The following ZNF841 variants were observed in gnomAD, a reference collection of about 807,000 sequenced individuals.
ZNF841 encodes TCONS_00006091.
Under a neutral mutation model 13.0 loss-of-function variants are expected in ZNF841, and 11 were observed. That is an observed-to-expected ratio of 0.85 (90% CI 0.53 to 1.40). The LOEUF (loss-of-function observed/expected upper bound fraction) is 1.40. Ranked by LOEUF, ZNF841 falls within the 40% of genes most tolerant of loss-of-function variation. The pLI, the probability that ZNF841 is intolerant of heterozygous loss-of-function variation, is 0.00. For missense variants in ZNF841, 1,068 were observed against 1,139.5 expected, an observed-to-expected ratio of 0.94 and a Z score of 0.90; for synonymous variants, 369 against 381.6, an observed-to-expected ratio of 0.97 and a Z score of 0.38.
At chr19:52,093,547 GGTGA>G in intron 2 of ZNF841, among the ~76,000 whole-genome samples, 1 of 152,216 alleles carries the variant, frequency 6.6e-6, no homozygotes, top group African/African-American at 2.4e-5. Flanking sequence ...TGTACACCAT[GGTGA>G]CTATACTATA....
rs1387226504 is a variant in ZNF841 at position 52,075,987 on chromosome 19, A to G, written c.271+57T>C. On this transcript the variant is annotated intron_variant, in intron 6 of 6. Transcript: ENST00000594440. Reference sequence around the variant, plus strand: ...CCCCACAGAACTCTCCCACTTGCAGAGTCTTACGCACACAATTTCATGGTA... The same window carrying G: ...CCCCACAGAACTCTCCCACTTGCAGGGTCTTACGCACACAATTTCATGGTA... 17 of 1,524,616 alleles carry G rather than the reference A, an allele frequency of 1.1e-5. No homozygotes were observed. In the South Asian group the frequency reaches 1.6e-4, roughly 14 times the overall value. The allele number at this position is 1,524,616 out of a possible 1,614,324, so 94.4% of individuals were successfully genotyped here. A position where few individuals can be genotyped will look rare whatever the true frequency, so the allele number is the denominator to read the frequency against.
chr19:52,065,802 A>C lies in ZNF841; in HGVS notation c.2080T>G (p.Ser694Ala). 2 of 1,612,126 alleles carry C rather than the reference A, an allele frequency of 1.2e-6. No homozygotes were observed. The highest frequency in any genetic ancestry group is 1.7e-6 in the Non-Finnish European group (2 of 1,178,926). Residue 694 changes from serine to alanine, a missense_variant, in exon 7 of 7, where the codon TCA becomes GCA. By Grantham distance (99) the Ser-to-Ala change is moderately conservative. Coordinates refer to ENST00000594440, the MANE Select transcript of ZNF841 (RefSeq NM_001136499.2). The stretch of plus-strand genomic sequence containing the variant: ...TTTCTGTGATATCTTGCAAGTTTTG[A>C]ACTTTGGATAAAAGCCTCACCAAAT... ...NEFGEAFIQS[S>A]KLARYHRNPT...
chr19:52,067,734 G>T, intron 6 of ZNF841, 124 bp from the exon 7 acceptor site: 1 of 599,274 alleles, frequency 1.7e-6, no homozygotes, highest in Non-Finnish European at 2.5e-6. Flanking sequence ...TTTCTACCAT[G>T]ATCTTCTATT....
chr19:52,094,647 T>C (rs950954450), intron 1 of ZNF841, among the ~76,000 whole-genome samples: 17 of 151,998 alleles, frequency 1.1e-4, no homozygotes, highest in Middle Eastern at 3.4e-3. Context: ...ACCCCCAATT[T>C]CCTAGGCTTA....
chr19:52,093,511 A>C (rs1451689619), intron 2 of ZNF841, among the ~76,000 whole-genome samples: 1 of 152,200 alleles, frequency 6.6e-6, no homozygotes, highest in African/African-American at 2.4e-5. Flanking sequence ...TTCTGTTATA[A>C]AATGAAGAAG....
At chr19:52,085,810 T>A (rs2088254669) in intron 3 of ZNF841, among the ~76,000 whole-genome samples, 1 of 152,134 alleles carries the variant, frequency 6.6e-6, no homozygotes, top group Admixed American at 6.6e-5. Flanking sequence ...TAGGTAGAGA[T>A]GAGGTATTCA....
At chr19:52,063,678 C>G (rs1302618604), downstream of ZNF841, 2 of 152,160 alleles carry the variant, frequency 1.3e-5, no homozygotes, top group Non-Finnish European at 2.9e-5. Context: ...TTACCACATT[C>G]GTTACATTTG....
chr19:52,079,988 T>C (rs1183422770), intron 4 of ZNF841, among the ~76,000 whole-genome samples: 2 of 120,616 alleles, frequency 1.7e-5, no homozygotes, highest in Admixed American at 9.7e-5. Context: ...CGAAACTCCA[T>C]CTCAGGGAAA....
At position 52,067,611 on chromosome 19, in the gene ZNF841, C is replaced by G. The variant is rs776564823; in HGVS notation, c.272-1G>C. ...TTGATCACACATTTAGGAGAGATAC[C>G]TGCAAAATATAATGAACATGGGGTT... On this transcript the variant is annotated splice_acceptor_variant, in intron 6 of 6. Coordinates refer to ENST00000594440, the MANE Select transcript of ZNF841 (RefSeq NM_001136499.2). LOFTEE classifies it high-confidence loss of function. The G allele has an allele frequency of 6.7e-7, 1 of 1,487,146 alleles. No homozygotes were observed. The highest frequency in any genetic ancestry group is 8.9e-7 in the Non-Finnish European group (1 of 1,120,678). The allele number at this position is 1,487,146 out of a possible 1,614,324, so 92.1% of individuals were successfully genotyped here.
Position 52,066,021 on chromosome 19 carries a change from C to T in ZNF841, c.1861G>A (p.Gly621Arg), listed in dbSNP as rs373036711. 7.4e-5 allele frequency: 120 copies of T among 1,613,918 alleles called. No homozygotes were observed. Among genetic ancestry groups the T allele is most frequent in the African/African-American group, 1.3e-4 (10 of 74,916 alleles). Residue 621 changes from glycine (G) to arginine (R), a missense_variant, in exon 7 of 7, where the codon GGA (glycine) becomes AGA (arginine). Physicochemically the swap from Gly to Arg is moderately radical, Grantham distance 125 (BLOSUM62 -2). Transcript: ENST00000594440. ...TCGTTACACTGGAAAGGTTTCTCTC[C>T]GGTATGACTTCGCCTATGAATTGAA... The part of the protein sequence containing the change: ...NLSIHRRSHT[G>R]EKPFQCNECG...
At chr19:52,086,915 A>G (rs1465444806) in intron 3 of ZNF841, among the ~76,000 whole-genome samples, 2 of 152,264 alleles carry the variant, frequency 1.3e-5, no homozygotes, top group Non-Finnish European at 2.9e-5. Context: ...ACACAATTGG[A>G]GGCAACAAGT....
In ZNF841 at chr19:52,066,750, A is replaced by G. The variant is rs1360647969; in HGVS notation, c.1132T>C (p.Cys378Arg). 3.1e-6 allele frequency: 5 copies of G among 1,612,496 alleles called. No homozygotes were observed. The highest frequency in any genetic ancestry group is 1.3e-5 in the African/African-American group (1 of 74,894). The stretch of plus-strand genomic sequence containing the variant: ...GAACTTTGACTAAAGCACTTCCCAC[A>G]TCGATTACATTTGTAAGGTTTCTCT... ...TGEKPYKCNR[C>R]GKCFSQSSSL... Residue 378 changes from cysteine (C) to arginine (R), a missense_variant, in exon 7 of 7, where the codon TGT becomes CGT. Transcript: ENST00000594440.
chr19:52,064,352 C>CAAAAAAAAAAAAAAA (rs1568532352), downstream of ZNF841: 18 of 48,968 alleles, frequency 3.7e-4, 3 homozygotes, highest in East Asian at 6.0e-4. Flanking sequence ...GACTCCGTCT[C>CAAAAAAAAAAAAAAA]CAAAAAAAAA....
At chr19:52,089,201 A>G (rs1439608586) in intron 2 of ZNF841, among the ~76,000 whole-genome samples, 199 bp from the exon 3 acceptor site, 1 of 152,244 alleles carries the variant, frequency 6.6e-6, no homozygotes, top group Non-Finnish European at 1.5e-5. Context: ...TGACAACTTT[A>G]GGAAGGTAAA....
At chr19:52,063,704 G>A (rs1036511452), downstream of ZNF841, 3 of 152,204 alleles carry the variant, frequency 2.0e-5, no homozygotes, top group African/African-American at 7.2e-5. Context: ...CTGTTCTCCA[G>A]TATGAATACT....
intron 3 of ZNF841, 122 bp downstream of exon 3, chr19:52,088,815 G>A (rs545603115): frequency 4.6e-5 from 7 of 152,250 alleles, no homozygotes; most frequent in East Asian, 3.9e-4. Flanking sequence ...GGTGCAATAC[G>A]ATAAACTCTG....
chr19:52,065,148 T>C lies in ZNF841; in HGVS notation c.2734A>G (p.Arg912Gly). Residue 912 changes from arginine (R) to glycine (G), a missense_variant, in exon 7 of 7, where the codon AGG (arginine) becomes GGG (glycine). Arg to Gly is a moderately radical substitution (Grantham distance 125, BLOSUM62 -2). Coordinates refer to ENST00000594440, the MANE Select transcript of ZNF841 (RefSeq NM_001136499.2). Reference sequence around the variant, plus strand: ...GAGGTTAGGACAACATCTAACGGCCTTTCCACATTGAGTTTAGTTGTAAGG... The same window carrying C: ...GAGGTTAGGACAACATCTAACGGCCCTTCCACATTGAGTTTAGTTGTAAGG... ...ENLTTKLNVERPLDVVLTSGI... is the reference protein window; with the variant it reads ...ENLTTKLNVEGPLDVVLTSGI... 1 of 1,566,336 alleles carries C rather than the reference T, an allele frequency of 6.4e-7. No homozygotes were observed. The highest frequency in any genetic ancestry group is 1.2e-5 in the South Asian group (1 of 82,414).
Position 52,090,707 on chromosome 19 carries a change from G to GAA in ZNF841, c.-143-1706_-143-1705insTT, listed in dbSNP as rs1555782712. Among the ~76,000 whole-genome samples the GAA allele has an allele frequency of 4.5e-3, 525 of 117,354 alleles. 10 individuals carry two copies. The highest frequency in any genetic ancestry group is 0.038 in the Admixed American group (455 of 11,914). The allele number at this position is 117,354 out of a possible 152,430, so 77.0% of individuals were successfully genotyped here. A position where few individuals can be genotyped will look rare whatever the true frequency, so the allele number is the denominator to read the frequency against. ...AGAAAGAAAGAAAGAAAGAAAGAAAGAGAAAGAAAGAAAGAAAAAAGAAAG... is the reference window on the plus strand; with the variant it reads ...AGAAAGAAAGAAAGAAAGAAAGAAAGAAAGAAAGAAAGAAAGAAAAAAGAAAG... On this transcript the variant is annotated intron_variant, in intron 2 of 6. Transcript: ENST00000594440.
At chr19:52,080,618 T>C (rs141919611) in intron 4 of ZNF841, among the ~76,000 whole-genome samples, 2 of 151,940 alleles carry the variant, frequency 1.3e-5, no homozygotes, top group Admixed American at 6.6e-5. Flanking sequence ...AGAAAAAGGA[T>C]GATTTACATA....
Sources: allele counts gnomAD v4.1 joint callset (sites outside exome capture counted in the v4.1 genomes callset), GRCh38; gene constraint gnomAD v4.1.1; transcripts MANE v1.5; gene names NCBI Gene and HGNC (gene_info 2026-07-23, HGNC 2026-07-21).